Variants in KIRREL3 observed in about 807,000 individuals in gnomAD.
KIRREL3 encodes kin of IRRE-like protein 3.
A neutral mutation model predicts 89.7 loss-of-function variants in KIRREL3; 36 were observed. The ratio of observed to expected loss-of-function variants is 0.40; its 90% CI spans 0.31 to 0.53. The LOEUF (loss-of-function observed/expected upper bound fraction) is 0.53, where lower values mean the gene tolerates loss of function less well. KIRREL3 is among the 20% of genes least tolerant of loss of function. KIRREL3 has a pLI of 0.49. For synonymous variants in KIRREL3, 445 were observed against 441.4 expected (o/e 1.01, Z -0.10); for missense variants, 864 against 1,056.6 (o/e 0.82, Z 2.53).
chr11:126,866,655 C>G (rs1308042518), intron 1 of KIRREL3, among the ~76,000 whole-genome samples: 3 of 152,140 alleles, frequency 2.0e-5, no homozygotes, highest in Admixed American at 1.3e-4. Context: ...CACTGCCCCC[C>G]CACACACACT....
rs557034942 is a variant in KIRREL3 at position 126,891,742 on chromosome 11, C to G, written c.55+108713G>C. Among the ~76,000 whole-genome samples, 5 of 152,168 alleles carry G rather than the reference C, an allele frequency of 3.3e-5. No individual in the cohort carries two copies. Among genetic ancestry groups the G allele is most frequent in the Non-Finnish European group, 7.4e-5 (5 of 68,024 alleles). ...AAAGGAAGTTGGCTGGCAGGTTCTG[C>G]GATCCCTGGAGATGGGCAGGGCTGG... On this transcript the variant is annotated intron_variant, in intron 1 of 16. Transcript: ENST00000525144. This position sits in a 1 kb window ranked among gnomAD's most constrained non-coding sequence, Gnocchi z 5.1.
chr11:126,695,907 C>T (rs571774875), intron 1 of KIRREL3, among the ~76,000 whole-genome samples: 83 of 152,224 alleles, frequency 5.5e-4, no homozygotes, highest in African/African-American at 1.9e-3. Context: ...CTCTAATTTA[C>T]GGCAACCTCC....
At chr11:126,547,902 G>A (rs1462748584) in intron 2 of KIRREL3, among the ~76,000 whole-genome samples, 1 of 152,188 alleles carries the variant, frequency 6.6e-6, no homozygotes, top group East Asian at 1.9e-4. Context: ...GCGTTCAGCT[G>A]GCTTACTCTA....
In KIRREL3 at chr11:126,475,123, G is replaced by A. The variant is rs1278809396; in HGVS notation, c.434-1657C>T. 1.3e-5 allele frequency among the ~76,000 whole-genome samples: 2 copies of A among 152,212 alleles called. No homozygotes were observed. The highest frequency in any genetic ancestry group is 2.4e-5 in the African/African-American group (1 of 41,462). ...GAAGGGGTAGTTGGATAACGGGGGCGTGGGAACCTAGCACAAAGGGTCCTC... is the reference window on the plus strand; with the variant it reads ...GAAGGGGTAGTTGGATAACGGGGGCATGGGAACCTAGCACAAAGGGTCCTC... On this transcript the variant is annotated intron_variant, in intron 4 of 16. Coordinates refer to ENST00000525144, the MANE Select transcript of KIRREL3 (RefSeq NM_032531.4). The surrounding 1 kb of genome is among the most constrained non-coding windows in gnomAD (Gnocchi z 7.5).
At position 126,521,905 on chromosome 11, in the gene KIRREL3, G is replaced by A. The variant is rs1958608354; in HGVS notation, c.284-441C>T. Among the ~76,000 whole-genome samples, 1 of 151,878 alleles carries A rather than the reference G, an allele frequency of 6.6e-6. No individual in the cohort carries two copies. Among genetic ancestry groups the A allele is most frequent in the Admixed American group, 6.6e-5 (1 of 15,244 alleles). The stretch of plus-strand genomic sequence containing the variant: ...GACTACAGACATGCACCACCACGTC[G>A]GCTAATTTTTTTATCTTTTGTAGAG... On this transcript the variant is annotated intron_variant, in intron 3 of 16. Coordinates refer to ENST00000525144, the MANE Select transcript of KIRREL3 (RefSeq NM_032531.4). This position sits in a 1 kb window ranked among gnomAD's most constrained non-coding sequence, Gnocchi z 4.1.
chr11:126,935,453 T>G (rs999617756), intron 1 of KIRREL3: 2 of 152,236 alleles, frequency 1.3e-5, no homozygotes, highest in African/African-American at 4.8e-5. Context: ...TCATTCACGG[T>G]TGCCAACACT....
Position 126,632,178 on chromosome 11 carries a change from C to G in KIRREL3, c.56-69266G>C, listed in dbSNP as rs148729225. Among the ~76,000 whole-genome samples the G allele has an allele frequency of 6.0e-3, 916 of 152,324 alleles. 6 individuals carry two copies. Among genetic ancestry groups the G allele is most frequent in the Middle Eastern group, 0.01 (3 of 294 alleles). ...GTCAGGTTGATGCTGCTGGTGTGGT[C>G]TCACACTTTGAGGACCACAGATATA... On this transcript the variant is annotated intron_variant, in intron 1 of 16. Coordinates refer to ENST00000525144, the MANE Select transcript of KIRREL3 (RefSeq NM_032531.4).
chr11:126,992,556 A>G (rs770784697), intron 1 of KIRREL3: 1 of 152,134 alleles, frequency 6.6e-6, no homozygotes, highest in Non-Finnish European at 1.5e-5. Context: ...GATATTCTCT[A>G]CTCTTAAATG....
intron 1 of KIRREL3, among the ~76,000 whole-genome samples, chr11:126,632,792 A>C (rs904415046): frequency 1.1e-4 from 5 of 44,220 alleles, no homozygotes; most frequent in Non-Finnish European, 1.8e-4. Flanking sequence ...GTCTAAACTT[A>C]AAAAAAAAAA....
rs1297028402 is a variant in KIRREL3, at chr11:126,766,436, C to T, written c.56-203524G>A. On this transcript the variant is annotated intron_variant, in intron 1 of 16. Coordinates refer to ENST00000525144, the MANE Select transcript of KIRREL3 (RefSeq NM_032531.4). This position sits in a 1 kb window ranked among gnomAD's most constrained non-coding sequence, Gnocchi z 4.2. ...CTATTTTGCTTTTTCTCTCTTTTCT[C>T]CTCCCTAGGTATGGCATTGTCCCTT... is the stretch of plus-strand genomic sequence containing the variant. Among the ~76,000 whole-genome samples the T allele has an allele frequency of 1.3e-5, 2 of 152,122 alleles. No individual in the cohort carries two copies. Among genetic ancestry groups the T allele is most frequent in the African/African-American group, 2.4e-5 (1 of 41,414 alleles).
chr11:126,657,278 A>AATC (rs1555170336), intron 1 of KIRREL3, among the ~76,000 whole-genome samples: 161 of 151,936 alleles, frequency 1.1e-3, no homozygotes, highest in Admixed American at 1.6e-3. Flanking sequence ...ATAAATAAAT[A>AATC]AATCTTCATG....
In KIRREL3 at chr11:126,677,812, T is replaced by C. The variant is rs1946266051; in HGVS notation, c.56-114900A>G. 6.6e-6 allele frequency among the ~76,000 whole-genome samples: 1 copy of C among 152,032 alleles called. No individual in the cohort carries two copies. The highest frequency in any genetic ancestry group is 2.1e-4 in the South Asian group (1 of 4,804). ...GAGTGAGCCTCCCCCTTTTACTGCA[T>C]CTCCACGAGGCAGAGGAAGTGGCAG... On this transcript the variant is annotated intron_variant, in intron 1 of 16. Transcript: ENST00000525144. The surrounding 1 kb of genome is among the most constrained non-coding windows in gnomAD (Gnocchi z 5.1).
chr11:126,476,656 G>A lies in KIRREL3; in HGVS notation c.434-3190C>T, dbSNP rs1175621758. ...TCGCTTCACTGCACACCAGATGGGG[G>A]TGGGGGCTGGGGGGGGGTGGGGGTT... On this transcript the variant is annotated intron_variant, in intron 4 of 16. Transcript: ENST00000525144. This position sits in a 1 kb window ranked among gnomAD's most constrained non-coding sequence, Gnocchi z 6.4. Among the ~76,000 whole-genome samples the A allele has an allele frequency of 1.4e-5, 2 of 146,654 alleles. No homozygotes were observed. The highest frequency in any genetic ancestry group is 3.0e-5 in the Non-Finnish European group (2 of 65,978).
At chr11:126,506,284 G>C (rs982299349) in intron 4 of KIRREL3, among the ~76,000 whole-genome samples, 3 of 152,088 alleles carry the variant, frequency 2.0e-5, no homozygotes, top group African/African-American at 7.2e-5. Flanking sequence ...AAGTTTTTGT[G>C]CTTCATAAGA....
chr11:126,587,999 G>C lies in KIRREL3; in HGVS notation c.56-25087C>G, dbSNP rs1166214016. Among the ~76,000 whole-genome samples the C allele has an allele frequency of 2.0e-5, 3 of 152,130 alleles. No homozygotes were observed. The highest frequency in any genetic ancestry group is 2.0e-4 in the Admixed American group (3 of 15,268). On this transcript the variant is annotated intron_variant, in intron 1 of 16. Coordinates refer to ENST00000525144, the MANE Select transcript of KIRREL3 (RefSeq NM_032531.4). This position sits in a 1 kb window ranked among gnomAD's most constrained non-coding sequence, Gnocchi z 5.2. ...ACTGGAAGACTCAGATCTAGGGCTC[G>C]GGGGAAAGCATTGGGCCATGAGGTA...
Position 126,429,737 on chromosome 11 carries a change from GA to G in KIRREL3, c.1697-450del, listed in dbSNP as rs1478571264. ...CCCATGGCCAACCCCCATCCAAAGA[GA>G]AACGCCCCTGAGGCAGTGGGCAGCT... On this transcript the variant is annotated intron_variant, in intron 14 of 16. Coordinates refer to ENST00000525144, the MANE Select transcript of KIRREL3 (RefSeq NM_032531.4). This position sits in a 1 kb window ranked among gnomAD's most constrained non-coding sequence, Gnocchi z 5.2. Among the ~76,000 whole-genome samples the G allele has an allele frequency of 6.6e-6, 1 of 152,200 alleles. No individual in the cohort carries two copies. Among genetic ancestry groups the G allele is most frequent in the East Asian group, 1.9e-4 (1 of 5,192 alleles).
At chr11:126,654,825 GA>G (rs1156542278) in intron 1 of KIRREL3, among the ~76,000 whole-genome samples, 1 of 151,846 alleles carries the variant, frequency 6.6e-6, no homozygotes, top group Non-Finnish European at 1.5e-5. Flanking sequence ...TTACAACCTT[GA>G]GTGTTTTAAC....
rs746137576 is a variant in KIRREL3 at position 126,754,213 on chromosome 11, T to C, written c.56-191301A>G. 2.6e-5 allele frequency among the ~76,000 whole-genome samples: 4 copies of C among 152,168 alleles called. No homozygotes were observed. Among genetic ancestry groups the C allele is most frequent in the Non-Finnish European group, 5.9e-5 (4 of 68,016 alleles). On this transcript the variant is annotated intron_variant, in intron 1 of 16. Transcript: ENST00000525144. This position sits in a 1 kb window ranked among gnomAD's most constrained non-coding sequence, Gnocchi z 5.1. The stretch of plus-strand genomic sequence containing the variant: ...TCATTTGCAATGTCTTTTGATAGAG[T>C]AGTCCCTGCCAAAAGTTTTGCTTTG...
intron 1 of KIRREL3, among the ~76,000 whole-genome samples, chr11:126,573,110 A>G (rs1476806027): frequency 1.3e-5 from 2 of 152,096 alleles, no homozygotes; most frequent in South Asian, 4.1e-4. Context: ...CCCCCTCCAC[A>G]TTCTGGGTGG....
Sources: allele counts gnomAD v4.1 joint callset (sites outside exome capture counted in the v4.1 genomes callset), GRCh38; gene constraint gnomAD v4.1.1; non-coding constraint Gnocchi (gnomAD v3.1); transcripts MANE v1.5; gene names NCBI Gene and HGNC (gene_info 2026-07-23, HGNC 2026-07-21).